Variants in BBS9 observed in about 807,000 individuals in gnomAD.
The protein encoded by BBS9 is protein PTHB1.
A neutral mutation model predicts 117.7 loss-of-function variants in BBS9; 89 were observed. The observed-to-expected ratio is 0.76, with a 90% CI of 0.64 to 0.90. The LOEUF (loss-of-function observed/expected upper bound fraction) is 0.90, where lower values mean the gene tolerates loss of function less well. Among genes scored for constraint, BBS9 ranks in the 40% least tolerant of loss-of-function variants. The pLI is 0.00. For missense variants in BBS9, 982 were observed against 1,042.2 expected (o/e 0.94, Z 0.80); for synonymous variants, 379 against 370.9 (o/e 1.02, Z -0.25).
At chr7:33,460,433 C>G (rs1839295543) in intron 19 of BBS9, among the ~76,000 whole-genome samples, 1 of 151,780 alleles carries the variant, frequency 6.6e-6, no homozygotes, top group Non-Finnish European at 1.5e-5. Flanking sequence ...ATTTTAGGTA[C>G]AAGGGAAAAT....
chr7:33,340,010 TG>T (rs909465674), intron 10 of BBS9, among the ~76,000 whole-genome samples: 3 of 151,320 alleles, frequency 2.0e-5, no homozygotes, highest in African/African-American at 7.3e-5. Flanking sequence ...AATTTAAAAA[TG>T]TTTTTTGTTT....
intron 15 of BBS9, among the ~76,000 whole-genome samples, chr7:33,354,629 G>A (rs1373489927): frequency 2.6e-5 from 4 of 151,956 alleles, no homozygotes; most frequent in African/African-American, 9.7e-5. Context: ...TATAGGTATG[G>A]TTATTTTATT....
intron 4 of BBS9, among the ~76,000 whole-genome samples, chr7:33,175,408 TA>T (rs1797205893): frequency 6.6e-6 from 1 of 152,202 alleles, no homozygotes; most frequent in Non-Finnish European, 1.5e-5. Context: ...CCTCCCCTGA[TA>T]GTTTTTCCTC....
intron 19 of BBS9, among the ~76,000 whole-genome samples, chr7:33,438,708 A>G (rs914469267): frequency 1.3e-5 from 2 of 152,222 alleles, no homozygotes; most frequent in Non-Finnish European, 2.9e-5. Flanking sequence ...TAGGAGCACA[A>G]TTAGATACAG....
At position 33,146,146 on chromosome 7, in the gene BBS9, C is replaced by T; in HGVS notation, c.-11-96C>T. 3 of 812,982 alleles carry T rather than the reference C, an allele frequency of 3.7e-6. No homozygotes were observed. The South Asian group carries it at 4.4e-5, about 12-fold the overall frequency. 50.4% of individuals were successfully genotyped at this position (812,982 alleles called of 1,614,324 possible). A position where few individuals can be genotyped will look rare whatever the true frequency, so the allele number is the denominator to read the frequency against. On this transcript the variant is annotated intron_variant, in intron 1 of 22. Transcript: ENST00000242067. ...TATTAAAAAGTTAATATAGAAATGTCCTTCTCAGATCTGTCCAAGTTTAAT... is the reference window on the plus strand; with the variant it reads ...TATTAAAAAGTTAATATAGAAATGTTCTTCTCAGATCTGTCCAAGTTTAAT...
intron 19 of BBS9, among the ~76,000 whole-genome samples, chr7:33,468,377 A>G (rs1463659987): frequency 6.6e-6 from 1 of 152,154 alleles, no homozygotes; most frequent in Non-Finnish European, 1.5e-5. Context: ...ATCTGCATTC[A>G]GAGACCACTC....
chr7:33,490,899 C>T (rs1843798879), intron 19 of BBS9, among the ~76,000 whole-genome samples: 1 of 152,190 alleles, frequency 6.6e-6, no homozygotes, highest in Admixed American at 6.5e-5. Context: ...AGTGACAGAA[C>T]ATGGGCTTTG....
intron 9 of BBS9, among the ~76,000 whole-genome samples, chr7:33,301,173 A>G (rs1485583897): frequency 5.3e-5 from 8 of 152,100 alleles, no homozygotes; most frequent in Admixed American, 5.2e-4. Flanking sequence ...AGATATTTTA[A>G]TACAGGCATG....
intron 9 of BBS9, among the ~76,000 whole-genome samples, chr7:33,285,449 ATTGGTACCTCAGTAAACAT>A (rs1167522171): frequency 6.6e-6 from 1 of 152,134 alleles, no homozygotes; most frequent in Non-Finnish European, 1.5e-5. Flanking sequence ...TCCTCTTACT[ATTGGTACCTCAGTAAACAT>A]AATTTGGACA....
chr7:33,608,642 C>T (rs1864708834), downstream of BBS9, among the ~76,000 whole-genome samples: 2 of 152,110 alleles, frequency 1.3e-5, no homozygotes, highest in South Asian at 2.1e-4. Flanking sequence ...TGATGTTGAA[C>T]ATCTTTTCAT....
intron 17 of BBS9, among the ~76,000 whole-genome samples, chr7:33,372,050 T>A (rs1352650288): frequency 6.6e-6 from 1 of 152,144 alleles, no homozygotes; most frequent in Non-Finnish European, 1.5e-5. Context: ...TGATCAAAAT[T>A]CTTGAAAGTT....
At chr7:33,402,542 A>G (rs555068229) in intron 19 of BBS9, among the ~76,000 whole-genome samples, 10 of 152,262 alleles carry the variant, frequency 6.6e-5, no homozygotes, top group Middle Eastern at 3.4e-3. Context: ...GAAACTACTA[A>G]TCTACTTTCT....
At chr7:33,176,409 G>A (rs1797331189) in intron 4 of BBS9, among the ~76,000 whole-genome samples, 2 of 152,080 alleles carry the variant, frequency 1.3e-5, no homozygotes, top group South Asian at 4.2e-4. Flanking sequence ...ATTTGGTTTA[G>A]GTTCTAAAAG....
intron 4 of BBS9, among the ~76,000 whole-genome samples, chr7:33,169,464 C>T (rs551710077): frequency 0.017 from 2,566 of 151,416 alleles, 58 homozygotes; most frequent in African/African-American, 0.059. Context: ...ACATCCTCTC[C>T]AGCACCTGTC....
rs1814689063 is a variant in BBS9 at position 33,333,864 on chromosome 7, G to A, written c.1017-2577G>A. On this transcript the variant is annotated intron_variant, in intron 9 of 22. Coordinates refer to ENST00000242067, the MANE Select transcript of BBS9 (RefSeq NM_198428.3). ...TGACCTCAAGCGATCCACCTGCCTC[G>A]GCTTTCCAAAATGCTGAGATTACAG... Among the ~76,000 whole-genome samples the A allele has an allele frequency of 3.9e-5, 6 of 152,050 alleles. No individual in the cohort carries two copies. In the South Asian group the frequency reaches 1.0e-3, roughly 26 times the overall value.
intron 5 of BBS9, among the ~76,000 whole-genome samples, chr7:33,186,933 G>C (rs1783233196): frequency 6.6e-6 from 1 of 152,158 alleles, no homozygotes; most frequent in Admixed American, 6.5e-5. Flanking sequence ...TGAAAAGGTA[G>C]ATTTTAATAG....
At chr7:33,336,375 G>A (rs1325616568) in intron 9 of BBS9, 66 bp from the exon 10 acceptor site, 1 of 1,207,182 alleles carries the variant, frequency 8.3e-7, no homozygotes, top group Non-Finnish European at 1.2e-6. Context: ...GAGTAAAAAT[G>A]TAGTTGGTCA....
intron 9 of BBS9, among the ~76,000 whole-genome samples, chr7:33,330,847 G>A (rs1002252652): frequency 6.6e-6 from 1 of 152,184 alleles, no homozygotes; most frequent in Non-Finnish European, 1.5e-5. Context: ...ATAATTCAGA[G>A]ACCTTGATTT....
intron 9 of BBS9, chr7:33,314,306 A>T (rs1483106961): frequency 4.7e-6 from 2 of 429,658 alleles, no homozygotes; most frequent in Non-Finnish European, 9.1e-6. Flanking sequence ...CACTTTAGAA[A>T]AATGAAGTTT....
Sources: gnomAD v4.1 joint callset for allele counts (sites outside exome capture counted in the v4.1 genomes callset) on GRCh38, gnomAD v4.1.1 for gene constraint, MANE v1.5 for transcripts, NCBI Gene and HGNC (gene_info 2026-07-23, HGNC 2026-07-21) for gene names.